DYTN: variants seen among roughly 807,000 people sequenced by gnomAD.
DYTN encodes dystrotelin.
DYTN carries 75 observed loss-of-function variants against 69.6 expected under a neutral mutation model. The ratio of observed to expected loss-of-function variants is 1.08; its 90% CI spans 0.89 to 1.31. DYTN has a LOEUF of 1.31. Ranked by LOEUF, DYTN falls within the 50% of genes most tolerant of loss-of-function variation. DYTN has a pLI of 0.00. For synonymous variants in DYTN, 252 were observed against 249.1 expected, an observed-to-expected ratio of 1.01 and a Z score of -0.11; for missense variants, 726 against 688.4, an observed-to-expected ratio of 1.05 and a Z score of -0.61.
chr2:206,661,824 C>A (rs1328725751), intron 11 of DYTN, among the ~76,000 whole-genome samples: 1 of 152,128 alleles, frequency 6.6e-6, no homozygotes, highest in Non-Finnish European at 1.5e-5. Context: ...GGGGCCAGCA[C>A]CCCTAATCCC....
At chr2:206,671,630 T>C (rs1324537404) in intron 9 of DYTN, among the ~76,000 whole-genome samples, 1 of 152,188 alleles carries the variant, frequency 6.6e-6, no homozygotes, top group Non-Finnish European at 1.5e-5. Flanking sequence ...GTAGGAAAAG[T>C]GTATACATAT....
chr2:206,705,987 T>G, intron 3 of DYTN, 114 bp from the exon 4 acceptor site: 2 of 1,166,876 alleles, frequency 1.7e-6, no homozygotes, highest in East Asian at 5.1e-5. Context: ...TGCTATAAGT[T>G]CCAACTTTTT....
At chr2:206,704,381 T>G (rs1056878275) in intron 5 of DYTN, among the ~76,000 whole-genome samples, 6 of 152,182 alleles carry the variant, frequency 3.9e-5, no homozygotes, top group African/African-American at 1.2e-4. Context: ...GAGAACTTGG[T>G]GCATGTCAGG....
In DYTN at chr2:206,652,036, A is replaced by G. The variant is rs937922115; in HGVS notation, c.1634-115T>C. ...CAGAATCCATTTTTCTTCAGTTCTCAAGGACAATGTCCTTAAGTTAGCCAG... is the reference window on the plus strand; with the variant it reads ...CAGAATCCATTTTTCTTCAGTTCTCGAGGACAATGTCCTTAAGTTAGCCAG... On this transcript the variant is annotated intron_variant, in intron 11 of 11. Coordinates refer to ENST00000452335, the MANE Select transcript of DYTN (RefSeq NM_001093730.1). 9 of 912,454 alleles carry G rather than the reference A, an allele frequency of 9.9e-6. No individual in the cohort carries two copies. In the African/African-American group the frequency reaches 1.3e-4, roughly 14 times the overall value. 56.5% of individuals were successfully genotyped at this position (912,454 alleles called of 1,614,324 possible).
intron 2 of DYTN, among the ~76,000 whole-genome samples, chr2:206,708,548 T>G (rs528077004): frequency 6.6e-6 from 1 of 152,342 alleles, no homozygotes; most frequent in African/African-American, 2.4e-5. Flanking sequence ...TGGCTGCAGG[T>G]GGTGAAGGCT....
At chr2:206,688,293 T>C (rs1407087330) in intron 9 of DYTN, among the ~76,000 whole-genome samples, 2 of 152,326 alleles carry the variant, frequency 1.3e-5, no homozygotes, top group Admixed American at 1.3e-4. Context: ...ATATAAATCA[T>C]ACCTGAATGA....
At position 206,664,265 on chromosome 2, in the gene DYTN, G is replaced by A. The variant is rs76943473; in HGVS notation, c.1141-870C>T. ...TGTCAAAGAAAGACTGACAGACTAT[G>A]GTTATTCAGACTTGGGTATTTGTCA... On this transcript the variant is annotated intron_variant, in intron 10 of 11. Transcript: ENST00000452335. 8.1e-3 allele frequency among the ~76,000 whole-genome samples: 1,237 copies of A among 152,308 alleles called. 14 individuals are homozygous for A. The highest frequency in any genetic ancestry group is 0.029 in the African/African-American group (1,192 of 41,560).
intron 9 of DYTN, among the ~76,000 whole-genome samples, chr2:206,666,796 T>G (rs1045262097): frequency 7.0e-4 from 100 of 142,544 alleles, no homozygotes; most frequent in African/African-American, 2.5e-3. Context: ...GGAGGCCAAG[T>G]TGGGGTATCC....
In DYTN at chr2:206,665,396, T is replaced by G. The variant is rs560757031; in HGVS notation, c.1140+474A>C. 2.0e-5 allele frequency among the ~76,000 whole-genome samples: 3 copies of G among 152,018 alleles called. No homozygotes were observed. In the East Asian group the frequency reaches 5.8e-4, roughly 29 times the overall value. On this transcript the variant is annotated intron_variant, in intron 10 of 11. Transcript: ENST00000452335. ...AATTTTATTACTTATTTAATTTATT[T>G]AACAACTCAGTTTTAATTTTCAGTA...
At chr2:206,681,478 T>G (rs1699749501) in intron 9 of DYTN, among the ~76,000 whole-genome samples, 1 of 152,196 alleles carries the variant, frequency 6.6e-6, no homozygotes, top group Admixed American at 6.5e-5. Context: ...GCTTCCAGCT[T>G]TTGCCCATTC....
chr2:206,714,983 T>TACTA (rs1371520192), intron 1 of DYTN, among the ~76,000 whole-genome samples: 3 of 152,064 alleles, frequency 2.0e-5, no homozygotes, highest in African/African-American at 4.8e-5. Flanking sequence ...GTTTCATTAG[T>TACTA]AGTGCTAATG....
At chr2:206,702,414 C>T (rs1226692862) in intron 5 of DYTN, among the ~76,000 whole-genome samples, 1 of 152,212 alleles carries the variant, frequency 6.6e-6, no homozygotes, top group Non-Finnish European at 1.5e-5. Context: ...GAAAGTGGCA[C>T]TCAGAACCTC....
At chr2:206,715,925 T>C (rs1311645162) in intron 1 of DYTN, among the ~76,000 whole-genome samples, 1 of 152,026 alleles carries the variant, frequency 6.6e-6, no homozygotes, top group Non-Finnish European at 1.5e-5. Context: ...CCGCCTCTAC[T>C]AAAAATACAA....
chr2:206,686,397 A>T (rs1286218999), intron 9 of DYTN: 2 of 152,274 alleles, frequency 1.3e-5, no homozygotes, highest in Non-Finnish European at 1.5e-5. Flanking sequence ...TTCATTTCTG[A>T]TACAGAATAA....
At chr2:206,659,546 T>C (rs1699486412) in intron 11 of DYTN, among the ~76,000 whole-genome samples, 1 of 149,884 alleles carries the variant, frequency 6.7e-6, no homozygotes, top group African/African-American at 2.5e-5. Context: ...CTTCTTGCTA[T>C]TATCTGATGC....
chr2:206,717,282 G>A (rs1197399372), intron 1 of DYTN, among the ~76,000 whole-genome samples: 1 of 152,122 alleles, frequency 6.6e-6, no homozygotes, highest in African/African-American at 2.4e-5. Context: ...AGATACTAAG[G>A]TGGATATAAT....
intron 10 of DYTN, among the ~76,000 whole-genome samples, chr2:206,663,665 C>A (rs1177481820): frequency 1.3e-5 from 2 of 152,052 alleles, no homozygotes; most frequent in African/African-American, 4.8e-5. Context: ...CTAAAAAGCC[C>A]AAGTTCTAAA....
At chr2:206,711,196 G>A (rs72960727) in intron 1 of DYTN, among the ~76,000 whole-genome samples, 38,678 of 152,096 alleles carry the variant, frequency 0.25, 5,129 homozygotes, top group Non-Finnish European at 0.28. Flanking sequence ...TTTTCTCTCT[G>A]CTCAATATTA....
chr2:206,704,963 A>G lies in DYTN; in HGVS notation c.383-20T>C, dbSNP rs1350624912. ...AAAGAGCTAGACATGTAGGAGGAAC[A>G]ATCTTTAAATTGAATACTTGCAATG... On this transcript the variant is annotated intron_variant, in intron 4 of 11. Coordinates refer to ENST00000452335, the MANE Select transcript of DYTN (RefSeq NM_001093730.1). 1 of 1,590,056 alleles carries G rather than the reference A, an allele frequency of 6.3e-7. No individual in the cohort carries two copies. The highest frequency in any genetic ancestry group is 1.3e-5 in the African/African-American group (1 of 74,510).
Sources: allele counts gnomAD v4.1 joint callset (sites outside exome capture counted in the v4.1 genomes callset), GRCh38; gene constraint gnomAD v4.1.1; transcripts MANE v1.5; gene names NCBI Gene and HGNC (gene_info 2026-07-23, HGNC 2026-07-21).